Variants in CFAP161 observed in about 807,000 individuals in gnomAD.
CFAP161 encodes the protein cilia and flagella associated protein 161.
Under a neutral mutation model 29.0 loss-of-function variants are expected in CFAP161, and 25 were observed. The observed-to-expected ratio is 0.86, with a 90% confidence interval of 0.63 to 1.20. The LOEUF is 1.20. CFAP161 is among the 50% of genes most tolerant of loss of function. CFAP161 has a pLI of 0.00. For synonymous variants in CFAP161, 116 were observed against 137.4 expected (o/e 0.84, Z 1.09); for missense variants, 367 against 371.9 (o/e 0.99, Z 0.11).
At position 81,108,229 on chromosome 15, in the gene CFAP161, G is replaced by T. The variant is rs566347094; in HGVS notation, c.-141-19361G>T. Among the ~76,000 whole-genome samples the T allele has an allele frequency of 1.2e-4, 18 of 152,144 alleles. No individual in the cohort carries two copies. The East Asian group carries it at 3.5e-3, about 29-fold the overall frequency. On this transcript the variant is annotated intron_variant, in intron 1 of 4. Transcript: ENST00000560091. ...TTTTATAATTGCTGACTTTTAAATTGCAGAAAAATAGAAATGGACCCAAAC... is the reference window on the plus strand; with the variant it reads ...TTTTATAATTGCTGACTTTTAAATTTCAGAAAAATAGAAATGGACCCAAAC...
intron 1 of CFAP161, among the ~76,000 whole-genome samples, chr15:81,110,038 T>C (rs377416319): frequency 3.3e-4 from 51 of 152,346 alleles, no homozygotes; most frequent in African/African-American, 1.2e-3. Context: ...GTAGCTCTGA[T>C]ACGAGATCTT....
upstream of CFAP161, among the ~76,000 whole-genome samples, chr15:81,132,483 G>A (rs948359271): frequency 6.6e-6 from 1 of 152,160 alleles, no homozygotes; most frequent in African/African-American, 2.4e-5. Flanking sequence ...ACAACACAAA[G>A]CAGTAATTTG....
intron 1 of CFAP161, among the ~76,000 whole-genome samples, chr15:81,112,579 T>C (rs1428688394): frequency 6.6e-6 from 1 of 152,192 alleles, no homozygotes; most frequent in Admixed American, 6.5e-5. Context: ...AGGAGATGGT[T>C]ACCTTGGCTG....
At chr15:81,146,691 A>G (rs949850540) in intron 5 of CFAP161, among the ~76,000 whole-genome samples, 3 of 151,472 alleles carry the variant, frequency 2.0e-5, no homozygotes, top group Non-Finnish European at 4.4e-5. Flanking sequence ...TCACCCTGAC[A>G]ATGATTTTGT....
upstream of CFAP161, among the ~76,000 whole-genome samples, chr15:81,131,822 T>C (rs1382065637): frequency 1.3e-5 from 2 of 152,126 alleles, no homozygotes; most frequent in African/African-American, 4.8e-5. Flanking sequence ...GAGCATTAAT[T>C]TACATATTCA....
At chr15:81,105,848 T>C (rs1422370859) in intron 1 of CFAP161, among the ~76,000 whole-genome samples, 1 of 152,216 alleles carries the variant, frequency 6.6e-6, no homozygotes, top group East Asian at 1.9e-4. Flanking sequence ...GTTTGTACTG[T>C]ACTACAGATG....
In CFAP161 at chr15:81,146,497, T is replaced by C. The variant is rs115931621; in HGVS notation, c.637-1361T>C. On this transcript the variant is annotated intron_variant, in intron 5 of 6. Transcript: ENST00000286732. ...GACCATATCTTGTGTGGCAAAGATCTTCTCCAATATAACTTTGAGTGATGA... is the reference window on the plus strand; with the variant it reads ...GACCATATCTTGTGTGGCAAAGATCCTCTCCAATATAACTTTGAGTGATGA... Among the ~76,000 whole-genome samples the C allele has an allele frequency of 9.0e-3, 1,363 of 152,252 alleles. 22 individuals carry two copies. The highest frequency in any genetic ancestry group is 0.031 in the African/African-American group (1,308 of 41,558).
At chr15:81,120,677 T>C (rs55976787) in intron 1 of CFAP161, among the ~76,000 whole-genome samples, 14,799 of 152,212 alleles carry the variant, frequency 0.097, 846 homozygotes, top group East Asian at 0.18. Context: ...AGCAAAAAGA[T>C]ACACCTTTTC....
At chr15:81,108,496 A>T (rs1205965966) in intron 1 of CFAP161, among the ~76,000 whole-genome samples, 1 of 152,104 alleles carries the variant, frequency 6.6e-6, no homozygotes, top group Non-Finnish European at 1.5e-5. Context: ...CTTCCTCCTG[A>T]GGGGCTTGTG....
intron 1 of CFAP161, among the ~76,000 whole-genome samples, chr15:81,108,058 C>T (rs1459668402): frequency 2.6e-5 from 4 of 152,188 alleles, no homozygotes; most frequent in African/African-American, 9.6e-5. Context: ...TTAAGGGAAC[C>T]GGAGAAGCTG....
At chr15:81,107,071 C>A (rs1894381476) in intron 1 of CFAP161, among the ~76,000 whole-genome samples, 1 of 151,990 alleles carries the variant, frequency 6.6e-6, no homozygotes, top group African/African-American at 2.4e-5. Context: ...TCAAACCAAC[C>A]AAAACAAAAA....
intron 4 of CFAP161, among the ~76,000 whole-genome samples, chr15:81,140,867 G>A (rs756475498): frequency 5.3e-5 from 8 of 152,066 alleles, no homozygotes; most frequent in South Asian, 2.1e-4. Flanking sequence ...GATTACAGGC[G>A]TGAGCCACTG....
At chr15:81,122,983 A>G (rs1048687478) in intron 1 of CFAP161, among the ~76,000 whole-genome samples, 2 of 151,968 alleles carry the variant, frequency 1.3e-5, no homozygotes, top group African/African-American at 4.8e-5. Context: ...TCCCCATTCC[A>G]TAGGTTGTCT....
At chr15:81,114,968 T>C (rs943548371) in intron 1 of CFAP161, among the ~76,000 whole-genome samples, 6 of 152,114 alleles carry the variant, frequency 3.9e-5, no homozygotes, top group Admixed American at 6.6e-5. Flanking sequence ...ATAAAAAAAA[T>C]GAGGATTGCA....
At chr15:81,132,709 T>G (rs992603275), upstream of CFAP161, among the ~76,000 whole-genome samples, 1 of 152,186 alleles carries the variant, frequency 6.6e-6, no homozygotes, top group African/African-American at 2.4e-5. Context: ...AGAACCTTGT[T>G]AAAAATGTAG....
At chr15:81,140,265 T>C (rs1345135091) in intron 4 of CFAP161, among the ~76,000 whole-genome samples, 17 of 152,224 alleles carry the variant, frequency 1.1e-4, no homozygotes, top group Non-Finnish European at 4.4e-5. Flanking sequence ...TAAGACTGCT[T>C]CAGAGATCTG....
chr15:81,138,094 G>C lies in CFAP161; in HGVS notation c.436G>C (p.Asp146His), dbSNP rs142998984. The C allele has an allele frequency of 6.2e-7, 1 of 1,613,290 alleles. No homozygotes were observed. The highest frequency in any genetic ancestry group is 8.5e-7 in the Non-Finnish European group (1 of 1,179,334). The stretch of plus-strand genomic sequence containing the variant: ...TGGTCAAGTCCTTAGATATGGGCAG[G>C]ACTTTTGCCTGGGGATAACAGGAGG... ...ATGQVLRYGQ[D>H]FCLGITGGFD... The change falls in exon 4 of 7, where the codon GAC becomes CAC. Residue 146 changes from aspartate (D) to histidine (H), a missense_variant. Asp to His is a moderately conservative substitution (Grantham distance 81). Transcript: ENST00000286732.
intron 5 of CFAP161, among the ~76,000 whole-genome samples, chr15:81,145,989 C>A (rs777948036): frequency 2.0e-5 from 3 of 152,186 alleles, no homozygotes; most frequent in Non-Finnish European, 4.4e-5. Context: ...ACAAAGCTGT[C>A]ATTAGTAAAG....
intron 1 of CFAP161, among the ~76,000 whole-genome samples, chr15:81,134,666 G>GC (rs1171633478): frequency 6.6e-6 from 1 of 152,078 alleles, no homozygotes; most frequent in Non-Finnish European, 1.5e-5. Flanking sequence ...TGACTCTCAA[G>GC]CCCCTGGCCT....
Sources: gnomAD v4.1 joint callset for allele counts (sites outside exome capture counted in the v4.1 genomes callset) on GRCh38, gnomAD v4.1.1 for gene constraint, MANE v1.5 for transcripts, NCBI Gene and HGNC (gene_info 2026-07-23, HGNC 2026-07-21) for gene names.